ERCC3: variants seen among roughly 807,000 people sequenced by gnomAD.
ERCC3 encodes general transcription and DNA repair factor IIH helicase/translocase subunit XPB.
ERCC3 carries 66 observed loss-of-function variants against 94.2 expected under a neutral mutation model. The observed-to-expected ratio is 0.70, with a 90% CI of 0.57 to 0.86. The LOEUF is 0.86. Ranked by LOEUF, ERCC3 falls within the 40% of genes least tolerant of loss-of-function variation. The pLI is 0.00. For synonymous variants in ERCC3, 349 were observed against 369.1 expected (o/e 0.95, Z 0.63); for missense variants, 829 against 987.1 (o/e 0.84, Z 2.15).
intron 4 of ERCC3, 59 bp downstream of exon 4, chr2:127,290,165 C>A: frequency 7.6e-7 from 1 of 1,322,388 alleles, no homozygotes; most frequent in South Asian, 1.2e-5. Context: ...TCCCTTTATT[C>A]CTGCTGGTGC....
At position 127,271,352 on chromosome 2, in the gene ERCC3, C is replaced by A. The variant is rs375556869; in HGVS notation, c.1929G>T (p.Val643=). ...CCACTTTACCTTTTTTAGCTCGAAG[C>A]ACCCGCCCTAGCCTTTGGGCTTCCT... The part of the protein sequence containing the change: ...RRQEAQRLGR[V]LRAKKGMVAE... Residue 643 remains valine (V), a synonymous_variant, in exon 12 of 15, where the codon GTG becomes GTT. Coordinates refer to ENST00000285398, the MANE Select transcript of ERCC3 (RefSeq NM_000122.2). The surrounding 1 kb of genome is among the most constrained non-coding windows in gnomAD (Gnocchi z 5.0). 85 of 1,613,370 alleles carry A rather than the reference C, an allele frequency of 5.3e-5. No homozygotes were observed. The highest frequency in any genetic ancestry group is 7.0e-5 in the Non-Finnish European group (83 of 1,179,398).
intron 3 of ERCC3, chr2:127,290,868 G>A (rs909334977): frequency 7.7e-5 from 12 of 155,780 alleles, no homozygotes; most frequent in African/African-American, 2.9e-4. Flanking sequence ...GATCACCTGA[G>A]GTCAGGAGTT....
intron 12 of ERCC3, among the ~76,000 whole-genome samples, chr2:127,265,575 C>T (rs550259874): frequency 3.1e-4 from 47 of 152,082 alleles, no homozygotes; most frequent in African/African-American, 1.1e-3. Context: ...TGCGCCACCA[C>T]ATTCGACTAA....
chr2:127,264,652 T>C lies in ERCC3; in HGVS notation c.1946-3306A>G, dbSNP rs754034464. ...CTGCTGGATTTGCTTTGTCCTCATT[T>C]TGTTACAGATTTTTGCGTCTGTGTT... On this transcript the variant is annotated intron_variant, in intron 12 of 14. Coordinates refer to ENST00000285398, the MANE Select transcript of ERCC3 (RefSeq NM_000122.2). The surrounding 1 kb of genome is among the most constrained non-coding windows in gnomAD (Gnocchi z 4.4). Among the ~76,000 whole-genome samples the C allele has an allele frequency of 1.3e-5, 2 of 152,226 alleles. No homozygotes were observed. Among genetic ancestry groups the C allele is most frequent in the Non-Finnish European group, 2.9e-5 (2 of 68,034 alleles).
rs1202912903 is a variant in ERCC3, at chr2:127,279,322, G to C, written c.1581C>G (p.Thr527=). ...TGGTGTACAGCAAGATTCGTTTCTTGGTTTTGATTGCCACATATTCCCGGT... is the reference window on the plus strand; with the variant it reads ...TGGTGTACAGCAAGATTCGTTTCTTCGTTTTGATTGCCACATATTCCCGGT... The part of the protein sequence containing the change: ...EFYREYVAIK[T]KKRILLYTMN... The change falls in exon 10 of 15, where the codon ACC becomes ACG. Residue 527 remains threonine, a synonymous_variant. Transcript: ENST00000285398. This position sits in a 1 kb window ranked among gnomAD's most constrained non-coding sequence, Gnocchi z 4.7. 10 of 1,614,128 alleles carry C rather than the reference G, an allele frequency of 6.2e-6. No homozygotes were observed. The highest frequency in any genetic ancestry group is 8.5e-6 in the Non-Finnish European group (10 of 1,179,998).
intron 10 of ERCC3, among the ~76,000 whole-genome samples, chr2:127,275,263 C>T (rs1352705961): frequency 6.6e-6 from 1 of 152,066 alleles, no homozygotes; most frequent in Admixed American, 6.5e-5. Flanking sequence ...CTCCTGGGCT[C>T]AAGTGATCTT....
intron 12 of ERCC3, among the ~76,000 whole-genome samples, chr2:127,267,557 T>C (rs1172356467): frequency 2.6e-5 from 4 of 152,162 alleles, no homozygotes; most frequent in Non-Finnish European, 2.9e-5. Flanking sequence ...TTAATCCAAT[T>C]TGCCACTCCA....
chr2:127,263,507 G>A (rs1184560483), intron 12 of ERCC3, among the ~76,000 whole-genome samples: 1 of 152,124 alleles, frequency 6.6e-6, no homozygotes, highest in African/African-American at 2.4e-5. Flanking sequence ...TGCCTATCAG[G>A]TCTAGGAGCC....
chr2:127,293,591 T>G lies in ERCC3; in HGVS notation c.156A>C (p.Lys52Asn). ...AGTCCTTGGCTCCATATTCATCCACTTTGGTGCCTGACTCATCCACCTGCT... is the reference window on the plus strand; with the variant it reads ...AGTCCTTGGCTCCATATTCATCCACGTTGGTGCCTGACTCATCCACCTGCT... ...AGKQVDESGTKVDEYGAKDYR... is the reference protein window; with the variant it reads ...AGKQVDESGTNVDEYGAKDYR... The change falls in exon 2 of 15, where the codon AAA becomes AAC. Residue 52 changes from lysine (K) to asparagine (N), a missense_variant. Coordinates refer to ENST00000285398, the MANE Select transcript of ERCC3 (RefSeq NM_000122.2). The G allele has an allele frequency of 1.2e-6, 2 of 1,614,182 alleles. No individual in the cohort carries two copies. The highest frequency in any genetic ancestry group is 1.7e-6 in the Non-Finnish European group (2 of 1,180,030).
At position 127,280,310 on chromosome 2, in the gene ERCC3, A is replaced by G. The variant is rs1684867619; in HGVS notation, c.1527+137T>C. 2 of 793,516 alleles carry G rather than the reference A, an allele frequency of 2.5e-6. No homozygotes were observed. The highest frequency in any genetic ancestry group is 4.4e-6 in the Non-Finnish European group (2 of 459,644). The allele number at this position is 793,516 out of a possible 1,614,324, so 49.2% of individuals were successfully genotyped here. ...TCTAGTACCACCCAACCACAGGGTG[A>G]CTGAGGATCCTGTATGAAGTGGTAG... On this transcript the variant is annotated intron_variant, in intron 9 of 14. Coordinates refer to ENST00000285398, the MANE Select transcript of ERCC3 (RefSeq NM_000122.2). The surrounding 1 kb of genome is among the most constrained non-coding windows in gnomAD (Gnocchi z 6.3).
chr2:127,279,487 T>TTTTAA lies in ERCC3; in HGVS notation c.1528-113_1528-112insTTAAA. On this transcript the variant is annotated intron_variant, in intron 9 of 14. Transcript: ENST00000285398. The surrounding 1 kb of genome is among the most constrained non-coding windows in gnomAD (Gnocchi z 4.7). ...TAGCTTTAAAACAAAACCAGTCAGG[T>TTTTAA]GCAGTGGCTCATGCCTGTAATGCCA... 1 of 842,128 alleles carries TTTTAA rather than the reference T, an allele frequency of 1.2e-6. No homozygotes were observed. Among genetic ancestry groups the TTTTAA allele is most frequent in the Non-Finnish European group, 2.0e-6 (1 of 499,044 alleles). 52.2% of individuals were successfully genotyped at this position (842,128 alleles called of 1,614,324 possible). A position where few individuals can be genotyped will look rare whatever the true frequency, so the allele number is the denominator to read the frequency against.
rs117911081 is a variant in ERCC3 at position 127,292,399 on chromosome 2, C to A, written c.471+211G>T. 5.8e-5 allele frequency: 37 copies of A among 633,044 alleles called. No individual in the cohort carries two copies. In the East Asian group the frequency reaches 9.3e-4, roughly 16 times the overall value. The allele number at this position is 633,044 out of a possible 1,614,324, so 39.2% of individuals were successfully genotyped here. On this transcript the variant is annotated intron_variant, in intron 3 of 14. Coordinates refer to ENST00000285398, the MANE Select transcript of ERCC3 (RefSeq NM_000122.2). ...CTCACCCAGAACACAATGCTGGATC[C>A]AGAGTGTAGCGGCTCATGAGAAGCA...
chr2:127,276,461 A>C (rs1466177231), intron 10 of ERCC3, among the ~76,000 whole-genome samples: 1 of 152,238 alleles, frequency 6.6e-6, no homozygotes, highest in African/African-American at 2.4e-5. Context: ...AACAGACGGA[A>C]GCTTCAAAAG....
At chr2:127,263,132 G>T (rs1558947947) in intron 12 of ERCC3, among the ~76,000 whole-genome samples, 1 of 152,094 alleles carries the variant, frequency 6.6e-6, no homozygotes, top group Non-Finnish European at 1.5e-5. Flanking sequence ...GGATTGCTTT[G>T]GCTATTCAGG....
Position 127,273,157 on chromosome 2 carries a change from C to T in ERCC3, c.1731-196G>A, listed in dbSNP as rs4150484. On this transcript the variant is annotated intron_variant, in intron 10 of 14. Coordinates refer to ENST00000285398, the MANE Select transcript of ERCC3 (RefSeq NM_000122.2). ...CTTCCCCACTGATTCTAGGTTTAGG[C>T]CCACCATTCTCTTCGGGATTCCCTC... 0.011 allele frequency among the ~76,000 whole-genome samples: 1,702 copies of T among 152,248 alleles called. 19 individuals are homozygous for T. Among genetic ancestry groups the T allele is most frequent in the Non-Finnish European group, 0.017 (1,159 of 68,020 alleles).
chr2:127,282,963 T>C (rs1684962745), intron 8 of ERCC3, among the ~76,000 whole-genome samples: 1 of 152,080 alleles, frequency 6.6e-6, no homozygotes, highest in Admixed American at 6.6e-5. Context: ...TCAGACAGAA[T>C]GCCTCAAGCC....
At chr2:127,289,205 A>T (rs1044223424) in intron 6 of ERCC3, 132 bp downstream of exon 6, 12 of 803,904 alleles carry the variant, frequency 1.5e-5, no homozygotes, top group Non-Finnish European at 2.2e-5. Flanking sequence ...GATAATAAAA[A>T]GGAGAAAGCA....
chr2:127,281,887 G>C (rs958082066), intron 8 of ERCC3, among the ~76,000 whole-genome samples: 1 of 152,096 alleles, frequency 6.6e-6, no homozygotes, highest in Non-Finnish European at 1.5e-5. Context: ...CCCCATGTTA[G>C]AGGGAAATGG....
At chr2:127,287,252 T>C (rs1055044241) in intron 7 of ERCC3, among the ~76,000 whole-genome samples, 1 of 152,226 alleles carries the variant, frequency 6.6e-6, no homozygotes, top group East Asian at 1.9e-4. Context: ...TGTAGCACTT[T>C]ACACACATCT....
Sources: allele counts gnomAD v4.1 joint callset (sites outside exome capture counted in the v4.1 genomes callset), GRCh38; gene constraint gnomAD v4.1.1; non-coding constraint Gnocchi (gnomAD v3.1); transcripts MANE v1.5; gene names NCBI Gene and HGNC (gene_info 2026-07-23, HGNC 2026-07-21).